Variants in NMUR1 observed in about 807,000 individuals in gnomAD.
NMUR1 encodes neuromedin-U receptor 1.
NMUR1 carries 16 observed loss-of-function variants against 18.8 expected under a neutral mutation model. That is an observed-to-expected ratio of 0.85 (90% CI 0.58 to 1.29). NMUR1 has a LOEUF of 1.29. Among genes scored for constraint, NMUR1 ranks in the 50% most tolerant of loss-of-function variants. The pLI is 0.00. For synonymous variants in NMUR1, 258 were observed against 258.2 expected, an observed-to-expected ratio of 1.00 and a Z score of 0.01; for missense variants, 529 against 580.3, an observed-to-expected ratio of 0.91 and a Z score of 0.91.
intron 2 of NMUR1, among the ~76,000 whole-genome samples, chr2:231,527,290 C>T (rs569829048): frequency 1.7e-4 from 26 of 152,308 alleles, no homozygotes; most frequent in Middle Eastern, 3.4e-3. Context: ...AAGAAGATGG[C>T]GTGCCGGTGG....
chr2:231,520,948 T>C (rs2047299081), downstream of NMUR1, among the ~76,000 whole-genome samples: 1 of 152,192 alleles, frequency 6.6e-6, no homozygotes, highest in South Asian at 2.1e-4. Flanking sequence ...ATTATTCCAG[T>C]GTACTCACCC....
In NMUR1 at chr2:231,523,458, T is replaced by C. The variant is rs2047323485; in HGVS notation, c.*1585A>G. On this transcript the variant is annotated 3_prime_UTR_variant, in exon 3 of 3. Transcript: ENST00000305141. ...CAAGAGAGGTTTTACATTTTTAAAA[T>C]TGTTTTCATTTTTGCTTATTTGCAC... The C allele has an allele frequency of 3.1e-6, 1 of 320,316 alleles. No homozygotes were observed. Among genetic ancestry groups the C allele is most frequent in the African/African-American group, 2.1e-5 (1 of 47,400 alleles). 19.8% of individuals were successfully genotyped at this position (320,316 alleles called of 1,614,324 possible).
downstream of NMUR1, among the ~76,000 whole-genome samples, chr2:231,519,492 G>A (rs2047289954): frequency 6.6e-6 from 1 of 152,242 alleles, no homozygotes; most frequent in Non-Finnish European, 1.5e-5. Flanking sequence ...TGTAGATTTA[G>A]AAACCTGGAC....
chr2:231,518,472 A>G (rs775062386), downstream of NMUR1, among the ~76,000 whole-genome samples: 22 of 152,198 alleles, frequency 1.4e-4, no homozygotes, highest in Non-Finnish European at 3.2e-4. Context: ...TCAGCCTCCC[A>G]AAGTGCTGGG....
At chr2:231,518,533 G>T (rs1163891816), downstream of NMUR1, among the ~76,000 whole-genome samples, 1 of 152,166 alleles carries the variant, frequency 6.6e-6, no homozygotes, top group Non-Finnish European at 1.5e-5. Context: ...TTGAAGGGGG[G>T]TAATATGCAG....
chr2:231,527,128 C>T (rs1004418194), intron 2 of NMUR1, among the ~76,000 whole-genome samples: 1 of 152,276 alleles, frequency 6.6e-6, no homozygotes, highest in South Asian at 2.1e-4. Flanking sequence ...TTTGCTCCCC[C>T]CAGATCTCAC....
chr2:231,526,595 A>T (rs1183513937), intron 2 of NMUR1, among the ~76,000 whole-genome samples: 1 of 152,220 alleles, frequency 6.6e-6, no homozygotes, highest in Non-Finnish European at 1.5e-5. Context: ...AGGCATGCAC[A>T]TAGCTCTGGG....
downstream of NMUR1, among the ~76,000 whole-genome samples, chr2:231,521,464 G>T (rs1001249969): frequency 3.3e-5 from 5 of 152,178 alleles, no homozygotes; most frequent in African/African-American, 4.8e-5. Flanking sequence ...TGAAATGGGA[G>T]AGCACCTGGA....
chr2:231,522,998 T>C (rs1367804827), downstream of NMUR1, among the ~76,000 whole-genome samples: 1 of 152,076 alleles, frequency 6.6e-6, no homozygotes, highest in East Asian at 1.9e-4. Context: ...TTTATGCAAG[T>C]CCTACTCCCC....
chr2:231,526,513 G>A (rs911657684), intron 2 of NMUR1, among the ~76,000 whole-genome samples: 2 of 152,212 alleles, frequency 1.3e-5, no homozygotes, highest in African/African-American at 4.8e-5. Flanking sequence ...GGAGGGGACG[G>A]GGTAGTAGGC....
chr2:231,520,478 T>G (rs2047295578), downstream of NMUR1, among the ~76,000 whole-genome samples: 1 of 152,126 alleles, frequency 6.6e-6, no homozygotes, highest in African/African-American at 2.4e-5. Flanking sequence ...TCCAGAACTC[T>G]TTCACCCCTG....
chr2:231,528,868 G>A lies in NMUR1; in HGVS notation c.153C>T (p.Tyr51=), dbSNP rs200356713. The A allele has an allele frequency of 1.2e-6, 2 of 1,614,222 alleles. No homozygotes were observed. Among genetic ancestry groups the A allele is most frequent in the Non-Finnish European group, 1.7e-6 (2 of 1,180,034 alleles). The change falls in exon 2 of 3, where the codon TAC becomes TAT. Residue 51 remains tyrosine (Y), a synonymous_variant. Coordinates refer to ENST00000305141, the MANE Select transcript of NMUR1 (RefSeq NM_006056.5). ...ACAGCTCTGTCTGCTGGGGCCCCAGGTACTTGAGTCTCAGTGCCTCGTCAG... is the reference window on the plus strand; with the variant it reads ...ACAGCTCTGTCTGCTGGGGCCCCAGATACTTGAGTCTCAGTGCCTCGTCAG... ...NLTDEALRLK[Y]LGPQQTELFM... is the part of the protein sequence containing the mutation.
chr2:231,520,622 A>G (rs1355250666), downstream of NMUR1, among the ~76,000 whole-genome samples: 3 of 152,240 alleles, frequency 2.0e-5, no homozygotes, highest in African/African-American at 7.2e-5. Flanking sequence ...GAAATTTGGT[A>G]TATGTGCTGC....
chr2:231,522,065 G>A (rs551522167), downstream of NMUR1, among the ~76,000 whole-genome samples: 1 of 139,360 alleles, frequency 7.2e-6, no homozygotes, highest in East Asian at 2.1e-4. Flanking sequence ...CTGCAGCCTC[G>A]ACCTCCTGGG....
Position 231,528,287 on chromosome 2 carries a change from G to A in NMUR1, c.734C>T (p.Ala245Val), listed in dbSNP as rs965547383. ...TALLFFCLPM[A>V]IMSVLYLLIG... ...GAGCAGGTAGAGCACGCTCATGATGGCCATGGGCAGGCAGAAGAAGAGCAG... is the reference window on the plus strand; with the variant it reads ...GAGCAGGTAGAGCACGCTCATGATGACCATGGGCAGGCAGAAGAAGAGCAG... The change falls in exon 2 of 3, where the codon GCC (alanine) becomes GTC (valine). Residue 245 changes from alanine (A) to valine (V), a missense_variant. Transcript: ENST00000305141. 10 of 1,613,600 alleles carry A rather than the reference G, an allele frequency of 6.2e-6. No homozygotes were observed. Among genetic ancestry groups the A allele is most frequent in the Non-Finnish European group, 8.5e-6 (10 of 1,179,612 alleles).
intron 2 of NMUR1, among the ~76,000 whole-genome samples, chr2:231,527,364 C>T (rs982789711): frequency 1.3e-5 from 2 of 152,172 alleles, no homozygotes; most frequent in Admixed American, 6.5e-5. Context: ...CAAAGAGAGC[C>T]GGGTGCAATG....
chr2:231,530,339 G>A lies in NMUR1; in HGVS notation c.3+20C>T. The A allele has an allele frequency of 6.7e-7, 1 of 1,494,676 alleles. No individual in the cohort carries two copies. Among genetic ancestry groups the A allele is most frequent in the Non-Finnish European group, 8.9e-7 (1 of 1,129,362 alleles). 92.6% of individuals were successfully genotyped at this position (1,494,676 alleles called of 1,614,324 possible). A position where few individuals can be genotyped will look rare whatever the true frequency, so the allele number is the denominator to read the frequency against. ...GCCCAGCTGCCGCGCCCTAGCCCAC[G>A]CCGGCGCCTGCGCACCTACCATGCG... On this transcript the variant is annotated intron_variant, in intron 1 of 2. Coordinates refer to ENST00000305141, the MANE Select transcript of NMUR1 (RefSeq NM_006056.5).
At position 231,528,995 on chromosome 2, in the gene NMUR1, G is replaced by A; in HGVS notation, c.26C>T (p.Ser9Phe). The change falls in exon 2 of 3, where the codon TCT (serine) becomes TTT (phenylalanine). Residue 9 changes from serine (S) to phenylalanine (F), a missense_variant. By Grantham distance (155) the Ser-to-Phe change is radical (BLOSUM62 -2). Coordinates refer to ENST00000305141, the MANE Select transcript of NMUR1 (RefSeq NM_006056.5). Reference sequence around the variant, plus strand: ...TGGGTACAGGTCTCCAGGGAGGACAGAGCAATTGAGGCAGAGAGGAGTCTG... The same window carrying A: ...TGGGTACAGGTCTCCAGGGAGGACAAAGCAATTGAGGCAGAGAGGAGTCTG... Reference protein sequence around the residue: MTPLCLNCSVLPGDLYPGG... With the variant: MTPLCLNCFVLPGDLYPGG... The A allele has an allele frequency of 6.2e-7, 1 of 1,609,126 alleles. No homozygotes were observed. Among genetic ancestry groups the A allele is most frequent in the Non-Finnish European group, 8.5e-7 (1 of 1,176,482 alleles).
Position 231,528,378 on chromosome 2 carries a change from C to T in NMUR1, c.643G>A (p.Asp215Asn), listed in dbSNP as rs770729248. Residue 215 changes from aspartate to asparagine, a missense_variant, in exon 2 of 3, where the codon GAC becomes AAC. By Grantham distance (23) the Asp-to-Asn change is conservative. Transcript: ENST00000305141. The stretch of plus-strand genomic sequence containing the variant: ...CGGACCAGCATGCAAACAGCTGAGT[C>T]TGGCACTGGGCCCCGGCAGGGCACG... ...LHVPCRGPVP[D>N]SAVCMLVRPR... 16 of 1,613,770 alleles carry T rather than the reference C, an allele frequency of 9.9e-6. No individual in the cohort carries two copies. In the South Asian group the frequency reaches 1.8e-4, roughly 18 times the overall value.
Sources: gnomAD v4.1 joint callset for allele counts (sites outside exome capture counted in the v4.1 genomes callset) on GRCh38, gnomAD v4.1.1 for gene constraint, MANE v1.5 for transcripts, NCBI Gene and HGNC (gene_info 2026-07-23, HGNC 2026-07-21) for gene names.